Variants in DENND4C observed in about 807,000 individuals in gnomAD.
DENND4C encodes DENN domain containing 4C, also known as DENN domain-containing protein 4C.
In DENND4C, 108 loss-of-function variants were observed where a neutral mutation model predicts 203.0. That is an observed-to-expected ratio of 0.53 (90% CI 0.46 to 0.62). The LOEUF is 0.62. Ranked by LOEUF, DENND4C falls within the 20% of genes least tolerant of loss-of-function variation. The pLI is 0.00. For missense variants in DENND4C, 2,481 were observed against 2,301.2 expected, an observed-to-expected ratio of 1.08 and a Z score of -1.60; for synonymous variants, 871 against 792.4, an observed-to-expected ratio of 1.10 and a Z score of -1.67.
At position 19,305,349 on chromosome 9, in the gene DENND4C, C is replaced by A; in HGVS notation, c.1312-3C>A. 6.3e-7 allele frequency: 1 copy of A among 1,576,410 alleles called. No individual in the cohort carries two copies. Among genetic ancestry groups the A allele is most frequent in the Non-Finnish European group, 8.6e-7 (1 of 1,160,802 alleles). On this transcript the variant is annotated splice_region_variant and splice_polypyrimidine_tract_variant and intron_variant, in intron 9 of 32. Coordinates refer to ENST00000434457, the MANE Select transcript of DENND4C (RefSeq NM_001330640.2). Reference sequence around the variant, plus strand: ...GGTTAATTTTTTAAAACTTTTTCCCCAGATGATCTTTCCATTTCAGTGGCA... The same window carrying A: ...GGTTAATTTTTTAAAACTTTTTCCCAAGATGATCTTTCCATTTCAGTGGCA...
intron 29 of DENND4C, among the ~76,000 whole-genome samples, chr9:19,361,116 G>A (rs908782431): frequency 6.6e-6 from 1 of 152,204 alleles, no homozygotes; most frequent in Non-Finnish European, 1.5e-5. Flanking sequence ...CACCTGCCTC[G>A]GCCTCCCAAC....
chr9:19,360,034 GATTA>G (rs1826141433), intron 28 of DENND4C, among the ~76,000 whole-genome samples: 1 of 152,040 alleles, frequency 6.6e-6, no homozygotes, highest in Non-Finnish European at 1.5e-5. Context: ...AGAGTCTGTT[GATTA>G]ATTTTCTTTT....
At chr9:19,298,708 C>G (rs1171957844) in intron 7 of DENND4C, among the ~76,000 whole-genome samples, 1 of 152,086 alleles carries the variant, frequency 6.6e-6, no homozygotes, top group African/African-American at 2.4e-5. Flanking sequence ...CTGTATCTTT[C>G]TGGACCATAA....
At chr9:19,331,927 C>G in intron 16 of DENND4C, 51 bp from the exon 17 acceptor site, 1 of 1,500,084 alleles carries the variant, frequency 6.7e-7, no homozygotes, top group Non-Finnish European at 9.1e-7. Flanking sequence ...CACTTCTCCC[C>G]TCACCCTAAT....
chr9:19,304,029 C>G (rs1403051234), intron 9 of DENND4C, among the ~76,000 whole-genome samples: 11 of 144,192 alleles, frequency 7.6e-5, no homozygotes, highest in African/African-American at 2.9e-4. Flanking sequence ...TTTTAAAAAA[C>G]ATCAAAACCT....
intron 1 of DENND4C, among the ~76,000 whole-genome samples, chr9:19,236,943 G>T (rs1822114548): frequency 1.3e-5 from 2 of 152,146 alleles, no homozygotes; most frequent in Admixed American, 1.3e-4. Flanking sequence ...GCATCTTGCT[G>T]TTTTAATATG....
chr9:19,231,464 A>G (rs1035041066), intron 1 of DENND4C, among the ~76,000 whole-genome samples: 1 of 151,972 alleles, frequency 6.6e-6, no homozygotes, highest in South Asian at 2.1e-4. Context: ...GTGACTAAAC[A>G]CAAAACCAAG....
intron 1 of DENND4C, among the ~76,000 whole-genome samples, chr9:19,243,982 T>A (rs561711494): frequency 2.3e-4 from 35 of 152,266 alleles, no homozygotes; most frequent in African/African-American, 7.9e-4. Flanking sequence ...GGGTAATTTT[T>A]AAAAATTTTT....
chr9:19,264,185 G>C (rs1273336554), intron 1 of DENND4C, among the ~76,000 whole-genome samples: 1 of 151,954 alleles, frequency 6.6e-6, no homozygotes, highest in Non-Finnish European at 1.5e-5. Context: ...TTTTGTTGTT[G>C]GTCTTTTCAG....
chr9:19,290,801 G>T lies in DENND4C; in HGVS notation c.726G>T (p.Glu242Asp), dbSNP rs776479718. 6.2e-7 allele frequency: 1 copy of T among 1,613,408 alleles called. No individual in the cohort carries two copies. Among genetic ancestry groups the T allele is most frequent in the East Asian group, 2.2e-5 (1 of 44,796 alleles). Residue 242 changes from glutamate (E) to aspartate (D), a missense_variant, in exon 5 of 33, where the codon GAG (glutamate) becomes GAT (aspartate). Glu to Asp is a conservative substitution (Grantham distance 45). Transcript: ENST00000434457. ...GCCTTCCTATGGGAGCTACTATTGA[G>T]TGCTGGGATCCTGAAACCAAATATC... is the stretch of plus-strand genomic sequence containing the variant. ...LFCLPMGATI[E>D]CWDPETKYPL...
At chr9:19,271,788 C>T (rs1279339884) in intron 1 of DENND4C, among the ~76,000 whole-genome samples, 1 of 151,074 alleles carries the variant, frequency 6.6e-6, no homozygotes, top group Non-Finnish European at 1.5e-5. Flanking sequence ...TCGCTTGAAC[C>T]TGGGAGGCGA....
intron 1 of DENND4C, among the ~76,000 whole-genome samples, chr9:19,241,201 C>T (rs75379497): frequency 0.02 from 3,033 of 152,188 alleles, 111 homozygotes; most frequent in African/African-American, 0.069. Flanking sequence ...CTAAATTCAT[C>T]AAATTTTTTT....
At chr9:19,295,910 G>C in intron 5 of DENND4C, 98 bp from the exon 6 acceptor site, 2 of 902,156 alleles carry the variant, frequency 2.2e-6, no homozygotes, top group Non-Finnish European at 3.5e-6. Context: ...CTGTATAAGT[G>C]TACTCCAAGC....
chr9:19,346,141 A>G lies in DENND4C; in HGVS notation c.3372A>G (p.Ala1124=), dbSNP rs953997987. Reference sequence around the variant, plus strand: ...GTGAAATGGCTATCATGATGGGAGCAGATGCCAAGATTCTCACAGCAGCAT... The same window carrying G: ...GTGAAATGGCTATCATGATGGGAGCGGATGCCAAGATTCTCACAGCAGCAT... ...NSSEMAIMMG[A]DAKILTAALT... Residue 1124 remains alanine, a synonymous_variant, in exon 23 of 33, where the codon GCA becomes GCG. Transcript: ENST00000434457. The G allele has an allele frequency of 1.9e-6, 3 of 1,614,120 alleles. No individual in the cohort carries two copies. Among genetic ancestry groups the G allele is most frequent in the Admixed American group, 1.7e-5 (1 of 60,006 alleles).
At chr9:19,327,004 TAGAA>T (rs1817972923) in intron 15 of DENND4C, among the ~76,000 whole-genome samples, 2 of 137,702 alleles carry the variant, frequency 1.5e-5, no homozygotes, top group South Asian at 4.5e-4. Context: ...ATTTCTAAAA[TAGAA>T]AGTAAAGTAA....
chr9:19,272,325 C>T (rs939284142), intron 1 of DENND4C, among the ~76,000 whole-genome samples: 3 of 151,666 alleles, frequency 2.0e-5, no homozygotes, highest in Non-Finnish European at 4.4e-5. Flanking sequence ...GAGGCTGAGG[C>T]AGGAGAATCA....
intron 18 of DENND4C, among the ~76,000 whole-genome samples, chr9:19,335,895 G>GAT (rs1820358581): frequency 1.3e-5 from 2 of 152,140 alleles, no homozygotes; most frequent in Non-Finnish European, 2.9e-5. Flanking sequence ...ATTGCTGGAT[G>GAT]ATATGGTAGC....
Position 19,370,145 on chromosome 9 carries a change from TGAACAC to T in DENND4C, c.5675+159_5675+164del, listed in dbSNP as rs377229874. 1.2e-3 allele frequency: 1,073 copies of T among 891,206 alleles called. 8 individuals are homozygous for T. In the African/African-American group the frequency reaches 0.016, roughly 13 times the overall value. The allele number at this position is 891,206 out of a possible 1,614,324, so 55.2% of individuals were successfully genotyped here. ...CTACACAGATATATACATTCCTACT[TGAACAC>T]AAACACATAATAAAAGTGTCTGGGG... On this transcript the variant is annotated intron_variant, in intron 31 of 32. Transcript: ENST00000434457.
rs1456073782 is a variant in DENND4C at position 19,230,809 on chromosome 9, G to C, written c.-42G>C. ...CCCAGGAAGAAGCCGTGTCGGGGCT[G>C]CGCTGACAGAGGAGCAGGCAGCAGG... On this transcript the variant is annotated 5_prime_UTR_variant, in exon 1 of 33. Coordinates refer to ENST00000434457, the MANE Select transcript of DENND4C (RefSeq NM_001330640.2). 1 of 152,526 alleles carries C rather than the reference G, an allele frequency of 6.6e-6. No individual in the cohort carries two copies. Among genetic ancestry groups the C allele is most frequent in the Non-Finnish European group, 1.5e-5 (1 of 68,284 alleles). The allele number at this position is 152,526 out of a possible 1,614,324, so 9.4% of individuals were successfully genotyped here.
Sources: gnomAD v4.1 joint callset for allele counts (sites outside exome capture counted in the v4.1 genomes callset) on GRCh38, gnomAD v4.1.1 for gene constraint, MANE v1.5 for transcripts, NCBI Gene and HGNC (gene_info 2026-07-23, HGNC 2026-07-21) for gene names.